Variants in PREP observed in about 807,000 individuals in gnomAD.
PREP encodes the protein prolyl endopeptidase.
Under a neutral mutation model 87.6 loss-of-function variants are expected in PREP, and 29 were observed. The ratio of observed to expected loss-of-function variants is 0.33; its 90% CI spans 0.25 to 0.45. The LOEUF is 0.45. Ranked by LOEUF, PREP falls within the 20% of genes least tolerant of loss-of-function variation. The probability of loss-of-function intolerance (pLI) is 1.00; values close to 1 mark genes in which losing one functional copy is unlikely to be tolerated. For missense variants in PREP, 695 were observed against 886.5 expected, an observed-to-expected ratio of 0.78 and a Z score of 2.74; for synonymous variants, 337 against 328.6, an observed-to-expected ratio of 1.03 and a Z score of -0.28.
chr6:105,300,828 CA>C (rs148086323), intron 10 of PREP, among the ~76,000 whole-genome samples: 10 of 144,002 alleles, frequency 6.9e-5, no homozygotes, highest in African/African-American at 1.0e-4. Flanking sequence ...AATCTGATTT[CA>C]AAAAAAAAAG....
At chr6:105,364,970 C>A (rs1008319924) in intron 6 of PREP, among the ~76,000 whole-genome samples, 6 of 152,232 alleles carry the variant, frequency 3.9e-5, no homozygotes, top group Non-Finnish European at 8.8e-5. Flanking sequence ...AGGACTACAG[C>A]TGGGCACAGT....
Position 105,341,655 on chromosome 6 carries a change from G to C in PREP, c.824-8150C>G, listed in dbSNP as rs192324535. Among the ~76,000 whole-genome samples, 627 of 152,204 alleles carry C rather than the reference G, an allele frequency of 4.1e-3. 8 individuals carry two copies. Among genetic ancestry groups the C allele is most frequent in the Middle Eastern group, 0.01 (3 of 294 alleles). On this transcript the variant is annotated intron_variant, in intron 7 of 14. Coordinates refer to ENST00000652536, the MANE Select transcript of PREP (RefSeq NM_002726.5). The stretch of plus-strand genomic sequence containing the variant: ...ATAGACCGCTAGCAAGACTAATAAA[G>C]TAGAAAAGAGAGAAGAATCAAATAG...
chr6:105,356,641 C>T (rs1055784101), intron 6 of PREP, among the ~76,000 whole-genome samples: 12 of 152,128 alleles, frequency 7.9e-5, no homozygotes, highest in Non-Finnish European at 1.2e-4. Flanking sequence ...GTGCCAGAGG[C>T]CAAAAAATAA....
rs880177 is a variant in PREP, at chr6:105,402,837, A to G, written c.45+10T>C. Reference sequence around the variant, plus strand: ...CCGGGAGCCCTCTGGGCGGAGGCAGAGATACTTACGGCGGTCTCGTCGCGG... The same window carrying G: ...CCGGGAGCCCTCTGGGCGGAGGCAGGGATACTTACGGCGGTCTCGTCGCGG... On this transcript the variant is annotated intron_variant, in intron 1 of 14. Transcript: ENST00000652536. The G allele has an allele frequency of 0.26, 399,640 of 1,539,472 alleles. 56,010 individuals are homozygous for G. The highest frequency in any genetic ancestry group is 0.48 in the African/African-American group (35,423 of 73,236).
chr6:105,312,992 C>T (rs1029245788), intron 10 of PREP, among the ~76,000 whole-genome samples: 3 of 152,116 alleles, frequency 2.0e-5, no homozygotes, highest in Non-Finnish European at 4.4e-5. Flanking sequence ...CCTCACAATG[C>T]CTTCCACTTC....
chr6:105,303,648 A>G (rs1244335358), intron 10 of PREP, among the ~76,000 whole-genome samples: 1 of 152,054 alleles, frequency 6.6e-6, no homozygotes, highest in Non-Finnish European at 1.5e-5. Flanking sequence ...TTCTAGTAAC[A>G]AGAAAGAAAC....
chr6:105,368,721 T>C (rs1237575209), intron 6 of PREP, among the ~76,000 whole-genome samples, 182 bp downstream of exon 6: 1 of 152,218 alleles, frequency 6.6e-6, no homozygotes, highest in Admixed American at 6.5e-5. Context: ...TAGGTTGAGA[T>C]TGCAGTTAAA....
chr6:105,312,015 C>T (rs111741228), intron 10 of PREP, among the ~76,000 whole-genome samples: 1 of 152,188 alleles, frequency 6.6e-6, no homozygotes, highest in African/African-American at 2.4e-5. Context: ...TAAGTCTCTT[C>T]CAAATACTTA....
chr6:105,394,916 A>G (rs866097900), intron 2 of PREP, among the ~76,000 whole-genome samples: 13 of 151,766 alleles, frequency 8.6e-5, no homozygotes, highest in South Asian at 8.3e-4. Flanking sequence ...TCATTGTCAG[A>G]AATGTGGAGA....
intron 2 of PREP, among the ~76,000 whole-genome samples, chr6:105,391,826 G>T (rs1251632739): frequency 6.6e-6 from 1 of 152,120 alleles, no homozygotes; most frequent in Non-Finnish European, 1.5e-5. Context: ...GTTTGCCAGG[G>T]GAAACAAGTA....
chr6:105,389,801 T>C (rs1307570479), intron 2 of PREP, among the ~76,000 whole-genome samples: 1 of 152,106 alleles, frequency 6.6e-6, no homozygotes, highest in East Asian at 1.9e-4. Context: ...CAGGCAGTCC[T>C]AGGCTAGACC....
At chr6:105,402,441 C>CACACACAA (rs1399189543) in intron 1 of PREP, among the ~76,000 whole-genome samples, 1 of 150,914 alleles carries the variant, frequency 6.6e-6, no homozygotes, top group African/African-American at 2.4e-5. Context: ...CACACACACA[C>CACACACAA]ACACACAAAC....
chr6:105,325,333 C>A (rs1371692088), intron 9 of PREP, among the ~76,000 whole-genome samples: 1 of 152,118 alleles, frequency 6.6e-6, no homozygotes, highest in Non-Finnish European at 1.5e-5. Context: ...CCTAGGGAGC[C>A]AAAATTCCCA....
In PREP at chr6:105,275,659, A is replaced by G. The variant is rs943739327; in HGVS notation, c.*2485T>C. On this transcript the variant is annotated 3_prime_UTR_variant, in exon 15 of 15. Transcript: ENST00000652536. ...TGTGTCTACTGCAGCACTATCCACA[A>G]CAGCCAAGATAGGGAATCAACCCAC... 2.6e-5 allele frequency among the ~76,000 whole-genome samples: 4 copies of G among 152,240 alleles called. No individual in the cohort carries two copies. The highest frequency in any genetic ancestry group is 4.4e-5 in the Non-Finnish European group (3 of 68,042).
chr6:105,369,946 A>G (rs1474711323), intron 5 of PREP, among the ~76,000 whole-genome samples: 2 of 152,196 alleles, frequency 1.3e-5, no homozygotes, highest in Non-Finnish European at 2.9e-5. Flanking sequence ...CATTAGGGAA[A>G]TCCAAATTAA....
chr6:105,379,200 G>A (rs937972400), intron 2 of PREP, among the ~76,000 whole-genome samples: 14 of 152,094 alleles, frequency 9.2e-5, no homozygotes, highest in African/African-American at 3.1e-4. Context: ...GGCAATCTTC[G>A]CCCTGGCCCG....
rs201271320 is a variant in PREP at position 105,399,109 on chromosome 6, GA to G, written c.46-1183del. Among the ~76,000 whole-genome samples, 608 of 143,550 alleles carry G rather than the reference GA, an allele frequency of 4.2e-3. 24 individuals are homozygous for G. In the East Asian group the frequency reaches 0.1, roughly 24 times the overall value. The allele number at this position is 143,550 out of a possible 152,430, so 94.2% of individuals were successfully genotyped here. ...GGCAACAGAGCAAGACTTCATCTCA[GA>G]AAAAAAAAAAGATTAACCCCATTAA... On this transcript the variant is annotated intron_variant, in intron 1 of 14. Transcript: ENST00000652536.
In PREP at chr6:105,323,646, G is replaced by A. The variant is rs1293118508; in HGVS notation, c.1317+19C>T. ...CAGACTTCCTAACTCTCACATTAAT[G>A]AGATCATATTCTCCATACCTGGACT... On this transcript the variant is annotated intron_variant, in intron 10 of 14. Transcript: ENST00000652536. 3 of 1,577,312 alleles carry A rather than the reference G, an allele frequency of 1.9e-6. No homozygotes were observed. The highest frequency in any genetic ancestry group is 2.2e-5 in the East Asian group (1 of 44,698).
chr6:105,342,039 C>A (rs1425335492), intron 7 of PREP, among the ~76,000 whole-genome samples: 2 of 152,186 alleles, frequency 1.3e-5, no homozygotes, highest in Non-Finnish European at 2.9e-5. Flanking sequence ...TTTTACGAGG[C>A]CAGCATCATC....
Sources: gnomAD v4.1 joint callset for allele counts (sites outside exome capture counted in the v4.1 genomes callset) on GRCh38, gnomAD v4.1.1 for gene constraint, MANE v1.5 for transcripts, NCBI Gene and HGNC (gene_info 2026-07-23, HGNC 2026-07-21) for gene names.